Variants in TTC6 observed in about 807,000 individuals in gnomAD.
TTC6 encodes the protein tetratricopeptide repeat domain 6, also known as tetratricopeptide repeat protein 6.
Under a neutral mutation model 210.4 loss-of-function variants are expected in TTC6, and 172 were observed. The observed-to-expected ratio is 0.82, with a 90% CI of 0.72 to 0.93. The LOEUF (loss-of-function observed/expected upper bound fraction) is 0.93, where lower values mean the gene tolerates loss of function less well. Ranked by LOEUF, TTC6 falls within the 40% of genes least tolerant of loss-of-function variation. The pLI is 0.00. For synonymous variants in TTC6, 804 were observed against 819.6 expected (o/e 0.98, Z 0.32); for missense variants, 2,414 against 2,318.1 (o/e 1.04, Z -0.85).
At chr14:37,745,785 G>T (rs1303860697) in intron 10 of TTC6, among the ~76,000 whole-genome samples, 1 of 152,128 alleles carries the variant, frequency 6.6e-6, no homozygotes, top group Non-Finnish European at 1.5e-5. Flanking sequence ...CATACCTTTA[G>T]AAGATTTCAG....
At chr14:37,771,099 A>T (rs1411659580) in intron 14 of TTC6, among the ~76,000 whole-genome samples, 1 of 150,414 alleles carries the variant, frequency 6.6e-6, no homozygotes, top group Non-Finnish European at 1.5e-5. Context: ...CTGGGTTGAA[A>T]ATTCTTTTCT....
intron 1 of TTC6, among the ~76,000 whole-genome samples, chr14:37,630,818 C>T (rs780915996): frequency 2.0e-5 from 3 of 151,236 alleles, no homozygotes; most frequent in East Asian, 3.9e-4. Flanking sequence ...TGCATTGATC[C>T]CTTTACCATT....
At chr14:37,683,211 A>G (rs553815418) in intron 3 of TTC6, among the ~76,000 whole-genome samples, 1 of 152,256 alleles carries the variant, frequency 6.6e-6, no homozygotes, top group South Asian at 2.1e-4. Context: ...CAAGGAGGGA[A>G]GGAATTTTTA....
intron 1 of TTC6, among the ~76,000 whole-genome samples, chr14:37,645,272 A>T (rs2095699481): frequency 6.6e-6 from 1 of 152,226 alleles, no homozygotes; most frequent in African/African-American, 2.4e-5. Flanking sequence ...GCAGTGTCTC[A>T]ATTAGAAACG....
At chr14:37,766,526 G>A (rs2095999959) in intron 14 of TTC6, among the ~76,000 whole-genome samples, 1 of 152,140 alleles carries the variant, frequency 6.6e-6, no homozygotes, top group East Asian at 1.9e-4. Flanking sequence ...TCATGCCACT[G>A]CAAAGGACAT....
At chr14:37,738,864 T>C in exon 10 of TTC6, 2 of 1,534,846 alleles carry the variant, frequency 1.3e-6, no homozygotes, top group Non-Finnish European at 1.7e-6. Flanking sequence ...ATAAAAGAGG[T>C]TATGTTTCAG....
At chr14:37,782,151 T>C (rs1472944376) in intron 14 of TTC6, among the ~76,000 whole-genome samples, 2 of 152,116 alleles carry the variant, frequency 1.3e-5, no homozygotes, top group Non-Finnish European at 1.5e-5. Context: ...TAGTTTTTTT[T>C]AGTTCTTTGA....
At chr14:37,638,283 C>T (rs936973910) in intron 1 of TTC6, among the ~76,000 whole-genome samples, 11 of 152,064 alleles carry the variant, frequency 7.2e-5, no homozygotes, top group African/African-American at 2.2e-4. Flanking sequence ...GAGATGGATT[C>T]TTGCTCTGCC....
intron 1 of TTC6, among the ~76,000 whole-genome samples, chr14:37,606,137 C>T (rs886161358): frequency 1.3e-5 from 2 of 152,054 alleles, no homozygotes; most frequent in Admixed American, 1.3e-4. Context: ...TGAGCAGGTG[C>T]TTGAAGAAGT....
intron 14 of TTC6, among the ~76,000 whole-genome samples, chr14:37,772,191 C>T (rs61977137): frequency 6.6e-6 from 1 of 151,978 alleles, no homozygotes; most frequent in African/African-American, 2.4e-5. Context: ...GCTGGGAGAA[C>T]CACTGCTCTC....
Position 37,622,232 on chromosome 14 carries a change from C to T in TTC6, c.168C>T (p.Ala56=), listed in dbSNP as rs914699825. ...AAAGCCCAGTCCACAGCCTCCATGC[C>T]CCCGGCCCGGCCCGCCCCGCGCGCG... The change falls in exon 1 of 31, where the codon GCC becomes GCT. Residue 56 remains alanine, a synonymous_variant. Coordinates refer to ENST00000553443, the Ensembl canonical transcript of TTC6. The T allele has an allele frequency of 8.5e-6, 13 of 1,535,382 alleles. No homozygotes were observed. The African/African-American group carries it at 1.8e-4, about 21-fold the overall frequency.
chr14:37,745,981 A>T (rs922697413), intron 10 of TTC6, among the ~76,000 whole-genome samples: 4 of 152,172 alleles, frequency 2.6e-5, no homozygotes, highest in African/African-American at 4.8e-5. Context: ...GTTTTCCCCT[A>T]TGTAAGCCAA....
chr14:37,812,397 C>T, exon 25 of TTC6: 1 of 1,612,768 alleles, frequency 6.2e-7, no homozygotes, highest in Non-Finnish European at 8.5e-7. Flanking sequence ...GTGGACTCAT[C>T]TACGTAGAAC....
intron 1 of TTC6, among the ~76,000 whole-genome samples, chr14:37,624,671 G>T (rs952399024): frequency 5.9e-5 from 9 of 151,904 alleles, no homozygotes; most frequent in African/African-American, 1.7e-4. Flanking sequence ...GCTCAGGCTG[G>T]AGTGCAGTAG....
At position 37,837,317 on chromosome 14, in the gene TTC6, T is replaced by C. The variant is rs137886791; in HGVS notation, c.5299-4128T>C. ...TGAATTAAAATGAAGTCTAAATTAC[T>C]TTAGGAAGAAAGTCTTGGCCTGGCT... On this transcript the variant is annotated intron_variant, in intron 29 of 30. Coordinates refer to ENST00000553443, the Ensembl canonical transcript of TTC6. The C allele has an allele frequency of 3.1e-3, 1,337 of 430,312 alleles. 8 individuals are homozygous for C. Among genetic ancestry groups the C allele is most frequent in the Middle Eastern group, 0.019 (56 of 2,916 alleles). The allele number at this position is 430,312 out of a possible 1,614,324, so 26.7% of individuals were successfully genotyped here.
intron 2 of TTC6, among the ~76,000 whole-genome samples, chr14:37,608,870 C>T (rs1469954855): frequency 2.0e-5 from 3 of 152,022 alleles, no homozygotes; most frequent in Admixed American, 1.3e-4. Flanking sequence ...GGCTTTGAAG[C>T]TGGGTAGCAA....
intron 1 of TTC6, among the ~76,000 whole-genome samples, chr14:37,663,579 A>G (rs2095741781): frequency 2.0e-5 from 3 of 152,146 alleles, no homozygotes; most frequent in Non-Finnish European, 4.4e-5. Context: ...ATACTATCAA[A>G]TTCAAACTTT....
intron 17 of TTC6, among the ~76,000 whole-genome samples, chr14:37,793,801 A>G (rs967836898): frequency 6.6e-6 from 1 of 152,162 alleles, no homozygotes; most frequent in African/African-American, 2.4e-5. Flanking sequence ...TTTGTGGTGC[A>G]TTCACATCAT....
At chr14:37,678,917 G>T (rs2095776511) in intron 1 of TTC6, among the ~76,000 whole-genome samples, 1 of 151,990 alleles carries the variant, frequency 6.6e-6, no homozygotes, top group Non-Finnish European at 1.5e-5. Context: ...GAAGAAAAAG[G>T]GACCTTAAAA....
Sources: allele counts gnomAD v4.1 joint callset (sites outside exome capture counted in the v4.1 genomes callset), GRCh38; gene constraint gnomAD v4.1.1; transcripts MANE v1.5; gene names NCBI Gene and HGNC (gene_info 2026-07-23, HGNC 2026-07-21).